The following TMPRSS3 variants were observed in gnomAD, a reference collection of about 807,000 sequenced individuals.
The protein encoded by TMPRSS3 is transmembrane serine protease 3.
In TMPRSS3, 55 loss-of-function variants were observed where a neutral mutation model predicts 59.6. That is an observed-to-expected ratio of 0.92 (90% CI 0.74 to 1.16). The LOEUF (loss-of-function observed/expected upper bound fraction) is 1.16, where lower values mean the gene tolerates loss of function less well. Among genes scored for constraint, TMPRSS3 ranks in the 50% most tolerant of loss-of-function variants. The pLI is 0.00. For missense variants in TMPRSS3, 596 were observed against 579.4 expected, an observed-to-expected ratio of 1.03 and a Z score of -0.29; for synonymous variants, 257 against 237.7, an observed-to-expected ratio of 1.08 and a Z score of -0.75.
At chr21:42,382,320 G>A in intron 8 of TMPRSS3, 86 bp from the exon 9 acceptor site, 2 of 1,236,582 alleles carry the variant, frequency 1.6e-6, no homozygotes, top group Non-Finnish European at 2.3e-6. Context: ...AACCTAGGAA[G>A]ATGGTGGGAG....
intron 7 of TMPRSS3, chr21:42,383,518 G>A (rs1434265747): frequency 3.8e-6 from 2 of 529,710 alleles, no homozygotes; most frequent in Non-Finnish European, 6.9e-6. Flanking sequence ...GTCAGGAGCA[G>A]GCAGGAACCT....
chr21:42,378,840 G>GAGT (rs1293919249), intron 10 of TMPRSS3, among the ~76,000 whole-genome samples: 1 of 150,716 alleles, frequency 6.6e-6, no homozygotes, highest in East Asian at 2.0e-4. Context: ...CCAGCCTCCT[G>GAGT]AGTAGCTGGG....
intron 10 of TMPRSS3, among the ~76,000 whole-genome samples, chr21:42,377,521 AGAT>A (rs942685747): frequency 2.0e-5 from 3 of 152,170 alleles, no homozygotes; most frequent in Non-Finnish European, 4.4e-5. Context: ...CCTAACTATG[AGAT>A]GATACCTTTC....
intron 10 of TMPRSS3, 118 bp downstream of exon 10, chr21:42,379,999 T>G: frequency 3.6e-6 from 3 of 836,536 alleles, no homozygotes; most frequent in Non-Finnish European, 6.0e-6. Flanking sequence ...ATGCACTCCC[T>G]GGCCGGGGTA....
intron 7 of TMPRSS3, chr21:42,383,485 C>A: frequency 1.8e-6 from 1 of 555,888 alleles, no homozygotes; most frequent in Non-Finnish European, 3.2e-6. Context: ...CCTATTCCCC[C>A]AGTGATGACA....
At chr21:42,392,822 C>G (rs533660080) in intron 2 of TMPRSS3, among the ~76,000 whole-genome samples, 1 of 152,310 alleles carries the variant, frequency 6.6e-6, no homozygotes, top group East Asian at 1.9e-4. Flanking sequence ...AGAAAATGAC[C>G]CCAAATTGTC....
intron 6 of TMPRSS3, 34 bp downstream of exon 6, chr21:42,385,375 C>T (rs766089536): frequency 3.5e-5 from 56 of 1,613,184 alleles, no homozygotes; most frequent in Non-Finnish European, 4.6e-5. Context: ...TGACTCGATA[C>T]CTGTGCAGAC....
chr21:42,379,785 G>A (rs1192778186), intron 10 of TMPRSS3, among the ~76,000 whole-genome samples: 1 of 152,124 alleles, frequency 6.6e-6, no homozygotes, highest in East Asian at 1.9e-4. Flanking sequence ...TCTGAATGAA[G>A]CCTGGGAGGG....
intron 2 of TMPRSS3, among the ~76,000 whole-genome samples, chr21:42,391,698 G>A (rs1386927952): frequency 6.6e-6 from 1 of 152,192 alleles, no homozygotes; most frequent in Non-Finnish European, 1.5e-5. Context: ...AGCACAAACA[G>A]GATATTTGTG....
chr21:42,373,531 C>T (rs1165810435), intron 12 of TMPRSS3, among the ~76,000 whole-genome samples: 1 of 152,230 alleles, frequency 6.6e-6, no homozygotes, highest in Non-Finnish European at 1.5e-5. Context: ...AGCCCCCATG[C>T]AACACATTCA....
At chr21:42,372,832 C>T in intron 12 of TMPRSS3, 53 bp from the exon 13 acceptor site, 1 of 1,604,628 alleles carries the variant, frequency 6.2e-7, no homozygotes, top group Non-Finnish European at 8.5e-7. Context: ...GCCATCCGTC[C>T]AACATGATGA....
chr21:42,386,780 ATTTATTTAT>A (rs2052641137), intron 5 of TMPRSS3, among the ~76,000 whole-genome samples: 2 of 135,542 alleles, frequency 1.5e-5, no homozygotes, highest in African/African-American at 5.2e-5. Flanking sequence ...TCCTTTGGTT[ATTTATTTAT>A]TTATTTATTT....
intron 2 of TMPRSS3, among the ~76,000 whole-genome samples, chr21:42,392,875 C>T (rs778818237): frequency 3.3e-5 from 5 of 152,246 alleles, no homozygotes; most frequent in African/African-American, 7.2e-5. Flanking sequence ...TGTCAGTTCC[C>T]GTTTGCCCTG....
Position 42,395,457 on chromosome 21 carries a change from C to T in TMPRSS3, c.-40G>A. The T allele has an allele frequency of 2.0e-6, 3 of 1,529,416 alleles. No individual in the cohort carries two copies. In the South Asian group the frequency reaches 3.4e-5, roughly 17 times the overall value. 94.7% of individuals were successfully genotyped at this position (1,529,416 alleles called of 1,614,324 possible). On this transcript the variant is annotated 5_prime_UTR_variant, in exon 2 of 13. Coordinates refer to ENST00000644384, the MANE Select transcript of TMPRSS3 (RefSeq NM_001256317.3). ...GACCTCTGACATCCGGCTCCGCCTC[C>T]ACCTCTACCTCCTTAGCCGAGGAAG...
intron 5 of TMPRSS3, among the ~76,000 whole-genome samples, chr21:42,387,269 G>A (rs1245849126): frequency 1.3e-5 from 2 of 152,040 alleles, no homozygotes; most frequent in Non-Finnish European, 2.9e-5. Context: ...AGGGCAGAGA[G>A]AAGAGAAAAG....
intron 8 of TMPRSS3, chr21:42,382,461 A>T (rs1192057591): frequency 2.1e-5 from 12 of 572,676 alleles, no homozygotes; most frequent in Non-Finnish European, 3.8e-5. Flanking sequence ...AGCACCTCTG[A>T]GGTCGTCTTG....
chr21:42,394,441 A>G (rs1341990598), intron 2 of TMPRSS3, among the ~76,000 whole-genome samples: 4 of 152,254 alleles, frequency 2.6e-5, no homozygotes, highest in Non-Finnish European at 5.9e-5. Flanking sequence ...GAGACTTTGC[A>G]GACATAAAAA....
chr21:42,373,591 G>T (rs1412844967), intron 12 of TMPRSS3, among the ~76,000 whole-genome samples: 1 of 152,216 alleles, frequency 6.6e-6, no homozygotes, highest in Non-Finnish European at 1.5e-5. Flanking sequence ...TAAACGCCCT[G>T]CAATCTTCAC....
At chr21:42,389,853 A>C in intron 3 of TMPRSS3, 74 bp downstream of exon 3, 5 of 1,138,294 alleles carry the variant, frequency 4.4e-6, no homozygotes. Flanking sequence ...TGCTGGGATG[A>C]GAGGGGGCGC....
Sources: allele counts gnomAD v4.1 joint callset (sites outside exome capture counted in the v4.1 genomes callset), GRCh38; gene constraint gnomAD v4.1.1; transcripts MANE v1.5; gene names NCBI Gene and HGNC (gene_info 2026-07-23, HGNC 2026-07-21).